DENND4C: variants seen among roughly 807,000 people sequenced by gnomAD.
DENND4C encodes the protein DENN domain-containing protein 4C.
Under a neutral mutation model 203.0 loss-of-function variants are expected in DENND4C, and 108 were observed. The ratio of observed to expected loss-of-function variants is 0.53; its 90% CI spans 0.46 to 0.62. The LOEUF (loss-of-function observed/expected upper bound fraction) is 0.62. Among genes scored for constraint, DENND4C ranks in the 20% least tolerant of loss-of-function variants. The pLI is 0.00. For missense variants in DENND4C, 2,481 were observed against 2,301.2 expected (o/e 1.08, Z -1.60); for synonymous variants, 871 against 792.4 (o/e 1.10, Z -1.67).
chr9:19,330,529 A>G (rs1310444810), intron 16 of DENND4C, among the ~76,000 whole-genome samples: 7 of 151,646 alleles, frequency 4.6e-5, no homozygotes, highest in Admixed American at 1.3e-4. Context: ...TAGTAGAGAC[A>G]GGGCTTTACC....
chr9:19,319,593 G>A (rs1243702720), intron 12 of DENND4C, among the ~76,000 whole-genome samples: 1 of 151,416 alleles, frequency 6.6e-6, no homozygotes, highest in Non-Finnish European at 1.5e-5. Context: ...ATTAGGCTCA[G>A]ATTGTGGGTA....
intron 30 of DENND4C, among the ~76,000 whole-genome samples, chr9:19,366,066 G>C (rs1029018713): frequency 2.0e-5 from 3 of 152,142 alleles, no homozygotes; most frequent in African/African-American, 7.2e-5. Context: ...ATTGACAAGT[G>C]AATCTTGAAA....
intron 20 of DENND4C, among the ~76,000 whole-genome samples, chr9:19,339,181 G>T (rs1411910615): frequency 6.6e-6 from 1 of 151,930 alleles, no homozygotes; most frequent in Non-Finnish European, 1.5e-5. Context: ...CATACATCTT[G>T]CCCTTTTACC....
At chr9:19,370,826 G>A (rs569319444) in intron 31 of DENND4C, among the ~76,000 whole-genome samples, 115 of 152,326 alleles carry the variant, frequency 7.5e-4, no homozygotes, top group African/African-American at 2.5e-3. Context: ...GTGCGTAATC[G>A]CGTATATCAA....
intron 1 of DENND4C, among the ~76,000 whole-genome samples, chr9:19,239,969 A>C (rs1823264153): frequency 6.6e-6 from 1 of 152,150 alleles, no homozygotes; most frequent in Non-Finnish European, 1.5e-5. Context: ...TATTTTTAAT[A>C]ATTTTCTGTT....
chr9:19,319,014 C>G (rs1842310669), intron 12 of DENND4C, among the ~76,000 whole-genome samples: 1 of 151,608 alleles, frequency 6.6e-6, no homozygotes, highest in Non-Finnish European at 1.5e-5. Context: ...ACTAAAAATA[C>G]AAAAATTAGC....
At chr9:19,277,890 C>T (rs1003723690) in intron 2 of DENND4C, among the ~76,000 whole-genome samples, 3 of 152,020 alleles carry the variant, frequency 2.0e-5, no homozygotes, top group Admixed American at 1.3e-4. Flanking sequence ...TGTCAGATGC[C>T]TTTTGTCAAT....
intron 10 of DENND4C, 74 bp from the exon 11 acceptor site, chr9:19,316,343 T>C: frequency 7.6e-6 from 9 of 1,177,616 alleles, no homozygotes; most frequent in Non-Finnish European, 8.6e-6. Flanking sequence ...TTGTTTTAGG[T>C]TGATGCAAGA....
chr9:19,287,171 TTTTAA>T, intron 3 of DENND4C, 150 bp downstream of exon 3: 1 of 780,720 alleles, frequency 1.3e-6, no homozygotes, highest in Non-Finnish European at 1.7e-6. Flanking sequence ...TTGTAATAAT[TTTTAA>T]AGTCCTATCC....
At position 19,345,985 on chromosome 9, in the gene DENND4C, T is replaced by C; in HGVS notation, c.3216T>C (p.Ala1072=). ...TTGAAGATGCAGTCTTTGGCGAAGCTACTAATCTCAAGAAGAATGGTGATA... is the reference window on the plus strand; with the variant it reads ...TTGAAGATGCAGTCTTTGGCGAAGCCACTAATCTCAAGAAGAATGGTGATA... The part of the protein sequence containing the change: ...DPVEDAVFGE[A]TNLKKNGDRG... The change falls in exon 23 of 33, where the codon GCT becomes GCC. Residue 1072 remains alanine (A), a synonymous_variant. Coordinates refer to ENST00000434457, the MANE Select transcript of DENND4C (RefSeq NM_001330640.2). 6.2e-7 allele frequency: 1 copy of C among 1,614,124 alleles called. No homozygotes were observed. The highest frequency in any genetic ancestry group is 8.5e-7 in the Non-Finnish European group (1 of 1,180,040).
intron 30 of DENND4C, among the ~76,000 whole-genome samples, chr9:19,364,537 G>C (rs1008959106): frequency 6.6e-6 from 1 of 152,156 alleles, no homozygotes; most frequent in African/African-American, 2.4e-5. Context: ...CATAAAGCAG[G>C]AATGTCACTC....
chr9:19,233,634 C>T (rs1821134158), intron 1 of DENND4C, among the ~76,000 whole-genome samples: 1 of 139,826 alleles, frequency 7.2e-6, no homozygotes, highest in Non-Finnish European at 1.5e-5. Flanking sequence ...GATCTCGGCT[C>T]ACTGCAGCCT....
intron 1 of DENND4C, among the ~76,000 whole-genome samples, chr9:19,260,371 G>GGTTATGTTAT (rs71335411): frequency 0.54 from 79,232 of 146,872 alleles, 21,970 homozygotes; most frequent in Non-Finnish European, 0.61. Context: ...TATATGTTCT[G>GGTTATGTTAT]GTTATGTTAT....
At chr9:19,290,283 G>T (rs1230479417) in intron 4 of DENND4C, among the ~76,000 whole-genome samples, 35 of 152,144 alleles carry the variant, frequency 2.3e-4, no homozygotes. Flanking sequence ...GAGTTTAGGG[G>T]CTGTGATAAT....
chr9:19,308,710 T>C (rs186889923), intron 10 of DENND4C, among the ~76,000 whole-genome samples: 1 of 152,312 alleles, frequency 6.6e-6, no homozygotes, highest in Admixed American at 6.5e-5. Flanking sequence ...TGTTTTTGGT[T>C]CTTGTATATG....
intron 23 of DENND4C, 53 bp from the exon 24 acceptor site, chr9:19,350,649 C>G (rs1823882853): frequency 1.3e-6 from 2 of 1,484,852 alleles, no homozygotes; most frequent in Non-Finnish European, 1.8e-6. Flanking sequence ...GGGTATAATC[C>G]CACTGGAGAA....
At chr9:19,285,416 C>T (rs1419794503) in intron 2 of DENND4C, among the ~76,000 whole-genome samples, 1 of 152,092 alleles carries the variant, frequency 6.6e-6, no homozygotes, top group African/African-American at 2.4e-5. Flanking sequence ...AGAACATTTT[C>T]ATCAGCCTAA....
intron 18 of DENND4C, among the ~76,000 whole-genome samples, chr9:19,335,730 TACC>T (rs2131849383): frequency 6.6e-6 from 1 of 152,350 alleles, no homozygotes; most frequent in South Asian, 2.1e-4. Flanking sequence ...TGTGTATATA[TACC>T]ACATTTTCTT....
At chr9:19,272,536 C>T (rs1287343071) in intron 1 of DENND4C, among the ~76,000 whole-genome samples, 2 of 151,982 alleles carry the variant, frequency 1.3e-5, no homozygotes, top group Non-Finnish European at 2.9e-5. Context: ...GGATTAGAGA[C>T]ATGAGCCAAT....
Sources: allele counts gnomAD v4.1 joint callset (sites outside exome capture counted in the v4.1 genomes callset), GRCh38; gene constraint gnomAD v4.1.1; transcripts MANE v1.5; gene names NCBI Gene and HGNC (gene_info 2026-07-23, HGNC 2026-07-21).